FNBP4: variants seen among roughly 807,000 people sequenced by gnomAD.
The protein encoded by FNBP4 is formin-binding protein 4.
In FNBP4, 34 loss-of-function variants were observed where a neutral mutation model predicts 119.3. The observed-to-expected ratio is 0.28, with a 90% CI of 0.22 to 0.38. FNBP4 has a LOEUF of 0.38. Ranked by LOEUF, FNBP4 falls within the 10% of genes least tolerant of loss-of-function variation. FNBP4 has a pLI of 1.00. For synonymous variants in FNBP4, 462 were observed against 430.6 expected, an observed-to-expected ratio of 1.07 and a Z score of -0.90; for missense variants, 1,112 against 1,228.9, an observed-to-expected ratio of 0.90 and a Z score of 1.42.
Position 47,728,051 on chromosome 11 carries a change from T to C in FNBP4, c.2009-3273A>G, listed in dbSNP as rs1313769774. On this transcript the variant is annotated intron_variant, in intron 12 of 16. Coordinates refer to ENST00000263773, the MANE Select transcript of FNBP4 (RefSeq NM_015308.5). ...GCGACCACGCCTGGCTAATTTTGTA[T>C]TTTTAGTAGAGGCGGGGTTTCTACA... Among the ~76,000 whole-genome samples, 5 of 150,980 alleles carry C rather than the reference T, an allele frequency of 3.3e-5. No homozygotes were observed. In the East Asian group the frequency reaches 9.9e-4, roughly 30 times the overall value.
chr11:47,720,196 T>G (rs1039813727), intron 15 of FNBP4, 110 bp from the exon 16 acceptor site: 4 of 1,000,840 alleles, frequency 4.0e-6, no homozygotes, highest in Non-Finnish European at 5.6e-6. Flanking sequence ...TATGCACACT[T>G]TAAAAAAGAA....
rs576069234 is a variant in FNBP4, at chr11:47,724,346, G to T, written c.2319+122C>A. ...ATCCTCCTGCTTCGACCTCCCAAAGGTCTAGGATATAGGCGTGAGCCACCG... is the reference window on the plus strand; with the variant it reads ...ATCCTCCTGCTTCGACCTCCCAAAGTTCTAGGATATAGGCGTGAGCCACCG... On this transcript the variant is annotated intron_variant, in intron 13 of 16. Transcript: ENST00000263773. 4 of 1,558,582 alleles carry T rather than the reference G, an allele frequency of 2.6e-6. No homozygotes were observed. In the Admixed American group the frequency reaches 7.1e-5, roughly 28 times the overall value.
rs775972197 is a variant in FNBP4 at position 47,720,027 on chromosome 11, A to T, written c.2865T>A (p.Arg955=). 12 of 1,613,914 alleles carry T rather than the reference A, an allele frequency of 7.4e-6. No homozygotes were observed. In the Admixed American group the frequency reaches 2.0e-4, roughly 27 times the overall value. ...SLVKKWQSIQ[R]ELDEEDNSSS... ...TAGAATTGTCCTCTTCATCTAACTCACGCTGGATACTCTGCCACTTTTTTA... is the reference window on the plus strand; with the variant it reads ...TAGAATTGTCCTCTTCATCTAACTCTCGCTGGATACTCTGCCACTTTTTTA... Residue 955 remains arginine, a synonymous_variant, in exon 16 of 17, where the codon CGT becomes CGA. Transcript: ENST00000263773.
At chr11:47,757,299 C>G (rs562625125) in intron 2 of FNBP4, among the ~76,000 whole-genome samples, 113 of 152,346 alleles carry the variant, frequency 7.4e-4, no homozygotes, top group Non-Finnish European at 1.2e-3. Flanking sequence ...ACTACAAGCT[C>G]TGCCTCTCAG....
intron 10 of FNBP4, among the ~76,000 whole-genome samples, chr11:47,733,148 C>T (rs1012464735): frequency 1.1e-4 from 16 of 152,124 alleles, no homozygotes; most frequent in Admixed American, 3.9e-4. Flanking sequence ...CAGCAGAGTT[C>T]TGAAAAATGA....
chr11:47,716,732 AT>A lies in FNBP4; in HGVS notation c.*689del, dbSNP rs1158745517. ...ACATTCACATAAAGAAAGGAGGTGA[AT>A]TTTGTTTTGGAACAGGGTTAAGACA... On this transcript the variant is annotated 3_prime_UTR_variant, in exon 17 of 17. Coordinates refer to ENST00000263773, the MANE Select transcript of FNBP4 (RefSeq NM_015308.5). 6.6e-6 allele frequency: 1 copy of A among 152,630 alleles called. No individual in the cohort carries two copies. Among genetic ancestry groups the A allele is most frequent in the Non-Finnish European group, 1.5e-5 (1 of 68,050 alleles). The allele number at this position is 152,630 out of a possible 1,614,324, so 9.5% of individuals were successfully genotyped here.
intron 14 of FNBP4, 79 bp from the exon 15 acceptor site, chr11:47,723,395 T>C (rs1188175303): frequency 1.3e-6 from 2 of 1,511,016 alleles, no homozygotes; most frequent in Non-Finnish European, 8.9e-7. Flanking sequence ...GAAGTGGGGA[T>C]TAGATCACAT....
chr11:47,720,660 ACCTC>A, intron 15 of FNBP4, among the ~76,000 whole-genome samples: 1 of 151,552 alleles, frequency 6.6e-6, no homozygotes, highest in South Asian at 2.1e-4. Context: ...ACTTCCTTTA[ACCTC>A]CCTATCCTAT....
intron 9 of FNBP4, among the ~76,000 whole-genome samples, chr11:47,735,975 G>T (rs2097573441): frequency 6.6e-6 from 1 of 152,226 alleles, no homozygotes; most frequent in South Asian, 2.1e-4. Flanking sequence ...CTACTCGGGA[G>T]GCTGAGGCAG....
intron 2 of FNBP4, among the ~76,000 whole-genome samples, chr11:47,758,114 G>A (rs907410073): frequency 6.6e-6 from 1 of 151,832 alleles, no homozygotes; most frequent in African/African-American, 2.4e-5. Context: ...TTTGAGACAG[G>A]GTCTCACTCT....
chr11:47,735,265 T>C (rs1297715241), intron 9 of FNBP4, among the ~76,000 whole-genome samples: 6 of 152,152 alleles, frequency 3.9e-5, no homozygotes, highest in Admixed American at 3.9e-4. Context: ...TAAATACCAA[T>C]ATTGTCAAAT....
chr11:47,745,170 C>T (rs1301690769), intron 7 of FNBP4, among the ~76,000 whole-genome samples: 1 of 151,892 alleles, frequency 6.6e-6, no homozygotes, highest in Non-Finnish European at 1.5e-5. Flanking sequence ...ATCAGTGCAC[C>T]TTGAAAAAGA....
At chr11:47,719,278 T>C (rs1263816324) in intron 16 of FNBP4, among the ~76,000 whole-genome samples, 1 of 152,336 alleles carries the variant, frequency 6.6e-6, no homozygotes, top group Admixed American at 6.5e-5. Context: ...TGAGGTGCAA[T>C]TACTTGAAGC....
At chr11:47,720,510 G>A in intron 15 of FNBP4, among the ~76,000 whole-genome samples, 1 of 151,940 alleles carries the variant, frequency 6.6e-6, no homozygotes, top group African/African-American at 2.4e-5. Flanking sequence ...GGATCTTGCA[G>A]TGAGCCGAGA....
chr11:47,734,217 T>A, intron 9 of FNBP4, 88 bp from the exon 10 acceptor site: 3 of 669,656 alleles, frequency 4.5e-6, no homozygotes, highest in Non-Finnish European at 7.2e-6. Flanking sequence ...TTATAGATAT[T>A]AGAAATATGG....
chr11:47,724,708 C>G lies in FNBP4; in HGVS notation c.2079G>C (p.Trp693Cys), dbSNP rs756960107. Residue 693 changes from tryptophan to cysteine, a missense_variant, in exon 13 of 17, where the codon TGG (tryptophan) becomes TGC (cysteine). By Grantham distance (215) the Trp-to-Cys change is radical. Coordinates refer to ENST00000263773, the MANE Select transcript of FNBP4 (RefSeq NM_015308.5). ...SSSLMPLTPF[W>C]TLLQSNVPVL... is the part of the protein sequence containing the mutation. Reference sequence around the variant, plus strand: ...CAGGAACATTTGACTGAAGGAGGGTCCAGAATGGAGTAAGTGGCATGAGTG... The same window carrying G: ...CAGGAACATTTGACTGAAGGAGGGTGCAGAATGGAGTAAGTGGCATGAGTG... 1 of 1,612,028 alleles carries G rather than the reference C, an allele frequency of 6.2e-7. No homozygotes were observed. Among genetic ancestry groups the G allele is most frequent in the South Asian group, 1.1e-5 (1 of 90,856 alleles).
chr11:47,766,871 T>C (rs1565174714), intron 1 of FNBP4, among the ~76,000 whole-genome samples, 198 bp downstream of exon 1: 2 of 151,016 alleles, frequency 1.3e-5, no homozygotes, highest in African/African-American at 2.4e-5. Flanking sequence ...GCCTCGGGCT[T>C]GGCCCGGGCC....
In FNBP4 at chr11:47,758,620, T is replaced by G. The variant is rs566674517; in HGVS notation, c.314-3956A>C. Among the ~76,000 whole-genome samples, 62 of 152,080 alleles carry G rather than the reference T, an allele frequency of 4.1e-4. 1 individual carries two copies. Among genetic ancestry groups the G allele is most frequent in the African/African-American group, 1.5e-3 (61 of 41,556 alleles). On this transcript the variant is annotated intron_variant, in intron 2 of 16. Transcript: ENST00000263773. ...TGGCTCATGCCTGTAATGCCAGCAC[T>G]TTGGGAGGCTGAGGCAGGTGGATCA...
chr11:47,746,679 TA>T (rs1262067289), intron 6 of FNBP4, among the ~76,000 whole-genome samples: 2 of 152,008 alleles, frequency 1.3e-5, no homozygotes, highest in African/African-American at 4.8e-5. Context: ...CATGCCCAGC[TA>T]ATTTTTTGTA....
Sources: gnomAD v4.1 joint callset for allele counts (sites outside exome capture counted in the v4.1 genomes callset) on GRCh38, gnomAD v4.1.1 for gene constraint, MANE v1.5 for transcripts, NCBI Gene and HGNC (gene_info 2026-07-23, HGNC 2026-07-21) for gene names.